RHOBTB3: variants seen among roughly 807,000 people sequenced by gnomAD.
RHOBTB3 encodes rho-related BTB domain-containing protein 3.
Under a neutral mutation model 67.2 loss-of-function variants are expected in RHOBTB3, and 47 were observed. The ratio of observed to expected loss-of-function variants is 0.70; its 90% CI spans 0.55 to 0.89. The LOEUF (loss-of-function observed/expected upper bound fraction) is 0.89. RHOBTB3 is among the 40% of genes least tolerant of loss of function. RHOBTB3 has a pLI of 0.00. For missense variants in RHOBTB3, 631 were observed against 750.0 expected, an observed-to-expected ratio of 0.84 and a Z score of 1.85; for synonymous variants, 273 against 274.2, an observed-to-expected ratio of 1.00 and a Z score of 0.04.
Position 95,793,058 on chromosome 5 carries a change from G to A in RHOBTB3, c.1721-1G>A, listed in dbSNP as rs1274577312. On this transcript the variant is annotated splice_acceptor_variant, in intron 11 of 11. Coordinates refer to ENST00000379982, the MANE Select transcript of RHOBTB3 (RefSeq NM_014899.4). LOFTEE classifies it high-confidence loss of function. The stretch of plus-strand genomic sequence containing the variant: ...TAACAGTCTTTTTCTTAAAACTTCA[G>A]TGGAAGAACGCAGTTTTGTTGAAAA... 3 of 1,606,766 alleles carry A rather than the reference G, an allele frequency of 1.9e-6. No homozygotes were observed. Among genetic ancestry groups the A allele is most frequent in the Admixed American group, 3.4e-5 (2 of 59,244 alleles).
intron 9 of RHOBTB3, among the ~76,000 whole-genome samples, chr5:95,781,161 T>C (rs908307372): frequency 1.3e-5 from 2 of 152,164 alleles, no homozygotes; most frequent in Admixed American, 6.5e-5. Context: ...GGAGCCTTGC[T>C]TGGGATGCTG....
intron 3 of RHOBTB3, among the ~76,000 whole-genome samples, chr5:95,744,547 T>A (rs1236383812): frequency 6.6e-6 from 1 of 152,166 alleles, no homozygotes; most frequent in African/African-American, 2.4e-5. Context: ...GTTTTATGGA[T>A]GATCTGAGTA....
At chr5:95,732,135 T>C (rs745445372) in intron 2 of RHOBTB3, 51 bp downstream of exon 2, 4 of 1,524,922 alleles carry the variant, frequency 2.6e-6, no homozygotes, top group South Asian at 2.3e-5. Context: ...TTTTCTTTCC[T>C]TTTTTTTCCC....
chr5:95,745,244 CT>C (rs1744855840), intron 3 of RHOBTB3, among the ~76,000 whole-genome samples: 1 of 140,924 alleles, frequency 7.1e-6, no homozygotes, highest in South Asian at 2.7e-4. Flanking sequence ...TCTTGAAATT[CT>C]TTTTAAAGTT....
intron 11 of RHOBTB3, 63 bp downstream of exon 11, chr5:95,788,921 A>T (rs746626906): frequency 1.5e-5 from 16 of 1,056,378 alleles, no homozygotes; most frequent in Non-Finnish European, 2.2e-5. Context: ...GATTTGAGAC[A>T]TAAGTTGTAG....
At position 95,783,919 on chromosome 5, in the gene RHOBTB3, G is replaced by A; in HGVS notation, c.1579G>A (p.Ala527Thr). 6.2e-7 allele frequency: 1 copy of A among 1,613,872 alleles called. No individual in the cohort carries two copies. The change falls in exon 10 of 12, where the codon GCA becomes ACA. Residue 527 changes from alanine to threonine, a missense_variant. Coordinates refer to ENST00000379982, the MANE Select transcript of RHOBTB3 (RefSeq NM_014899.4). ...QLQSMPSREL[A>T]SMNLDIVDLL... ...GCAGAGCATGCCAAGCAGGGAACTGGCATCCATGAACCTTGATATAGTTGA... is the reference window on the plus strand; with the variant it reads ...GCAGAGCATGCCAAGCAGGGAACTGACATCCATGAACCTTGATATAGTTGA...
In RHOBTB3 at chr5:95,795,558, G is replaced by C. The variant is rs1463694926; in HGVS notation, c.*2384G>C. 2 of 152,256 alleles carry C rather than the reference G, an allele frequency of 1.3e-5. No homozygotes were observed. The highest frequency in any genetic ancestry group is 2.9e-5 in the Non-Finnish European group (2 of 68,042). 9.4% of individuals were successfully genotyped at this position (152,256 alleles called of 1,614,324 possible). Reference sequence around the variant, plus strand: ...TTAAGGTTGTTTGACCTGAAGTGGAGTTGGGTTTGGAAGCTGGTGCCCAGT... The same window carrying C: ...TTAAGGTTGTTTGACCTGAAGTGGACTTGGGTTTGGAAGCTGGTGCCCAGT... On this transcript the variant is annotated 3_prime_UTR_variant, in exon 12 of 12. Transcript: ENST00000379982.
chr5:95,733,755 A>C (rs1276392252), intron 2 of RHOBTB3, among the ~76,000 whole-genome samples: 1 of 152,188 alleles, frequency 6.6e-6, no homozygotes, highest in African/African-American at 2.4e-5. Context: ...TGCTCTTTAT[A>C]AGGTGCTTTT....
At chr5:95,756,714 G>C (rs1745257246) in intron 6 of RHOBTB3, among the ~76,000 whole-genome samples, 2 of 151,920 alleles carry the variant, frequency 1.3e-5, no homozygotes, top group Admixed American at 1.3e-4. Context: ...GTTTGATGTG[G>C]TATCTAATTC....
At position 95,737,092 on chromosome 5, in the gene RHOBTB3, C is replaced by CT. The variant is rs776872396; in HGVS notation, c.415+23dup. On this transcript the variant is annotated intron_variant, in intron 3 of 11. Coordinates refer to ENST00000379982, the MANE Select transcript of RHOBTB3 (RefSeq NM_014899.4). ...GACAAAATGGTAAGTATTTAATATT[C>CT]TTTTTTGTAGTGAGCATGCAAATAT... 1.4e-6 allele frequency: 2 copies of CT among 1,461,132 alleles called. No individual in the cohort carries two copies. Among genetic ancestry groups the CT allele is most frequent in the Admixed American group, 3.7e-5 (2 of 54,624 alleles). 90.5% of individuals were successfully genotyped at this position (1,461,132 alleles called of 1,614,324 possible).
At position 95,743,794 on chromosome 5, in the gene RHOBTB3, T is replaced by C. The variant is rs1755670131; in HGVS notation, c.416-4539T>C. Reference sequence around the variant, plus strand: ...GGCACAGTCTCAGCTCATGGCAACCTCCACCTCAGGTTCAAGTGATTCTCC... The same window carrying C: ...GGCACAGTCTCAGCTCATGGCAACCCCCACCTCAGGTTCAAGTGATTCTCC... On this transcript the variant is annotated intron_variant, in intron 3 of 11. Transcript: ENST00000379982. Among the ~76,000 whole-genome samples, 3 of 142,042 alleles carry C rather than the reference T, an allele frequency of 2.1e-5. No homozygotes were observed. The South Asian group carries it at 7.3e-4, about 34-fold the overall frequency. 93.2% of individuals were successfully genotyped at this position (142,042 alleles called of 152,430 possible).
At chr5:95,754,557 C>T (rs951433391) in intron 5 of RHOBTB3, among the ~76,000 whole-genome samples, 1 of 152,156 alleles carries the variant, frequency 6.6e-6, no homozygotes, top group East Asian at 1.9e-4. Context: ...CTTCAAACAA[C>T]CCTTCACAAA....
At chr5:95,731,257 C>A, upstream of RHOBTB3, 1 of 1,005,830 alleles carries the variant, frequency 9.9e-7, no homozygotes, top group East Asian at 1.0e-4. Flanking sequence ...GTGCTGCGCC[C>A]GGTCCGCTGA....
upstream of RHOBTB3, among the ~76,000 whole-genome samples, chr5:95,729,430 C>A (rs113478089): frequency 6.6e-6 from 1 of 152,174 alleles, no homozygotes; most frequent in African/African-American, 2.4e-5. Context: ...TTGTCAGCAA[C>A]TTTGGTGTCT....
At chr5:95,745,855 C>A (rs1409827793) in intron 3 of RHOBTB3, among the ~76,000 whole-genome samples, 1 of 151,864 alleles carries the variant, frequency 6.6e-6, no homozygotes, top group Non-Finnish European at 1.5e-5. Flanking sequence ...CTGCTATAAC[C>A]AATACAAGCC....
At chr5:95,767,692 C>A in intron 7 of RHOBTB3, 1 of 620,428 alleles carries the variant, frequency 1.6e-6, no homozygotes. Context: ...TTAGGTTGTA[C>A]ATGTAAACAT....
At chr5:95,763,384 G>A in intron 6 of RHOBTB3, 124 bp from the exon 7 acceptor site, 1 of 630,358 alleles carries the variant, frequency 1.6e-6, no homozygotes, top group Admixed American at 2.8e-5. Context: ...TAGTTATAAG[G>A]ATGTATATCT....
chr5:95,747,805 A>C (rs944327841), intron 3 of RHOBTB3, among the ~76,000 whole-genome samples: 6 of 152,266 alleles, frequency 3.9e-5, no homozygotes, highest in Admixed American at 3.9e-4. Context: ...ATAGGAATGT[A>C]CTTCCTATGA....
intron 3 of RHOBTB3, among the ~76,000 whole-genome samples, chr5:95,741,990 G>T (rs564403961): frequency 6.6e-6 from 1 of 152,236 alleles, no homozygotes; most frequent in South Asian, 2.1e-4. Context: ...ATATTTGCTT[G>T]CAGGGAGTCA....
Sources: gnomAD v4.1 joint callset for allele counts (sites outside exome capture counted in the v4.1 genomes callset) on GRCh38, gnomAD v4.1.1 for gene constraint, MANE v1.5 for transcripts, NCBI Gene and HGNC (gene_info 2026-07-23, HGNC 2026-07-21) for gene names.